Variants in SLC36A1 observed in about 807,000 individuals in gnomAD.
SLC36A1 encodes solute carrier family 36 member 1.
A neutral mutation model predicts 47.5 loss-of-function variants in SLC36A1; 30 were observed. The ratio of observed to expected loss-of-function variants is 0.63; its 90% CI spans 0.47 to 0.86. The LOEUF is 0.86. SLC36A1 is among the 40% of genes least tolerant of loss of function. The pLI, the probability that SLC36A1 is intolerant of heterozygous loss-of-function variation, is 0.00. For synonymous variants in SLC36A1, 255 were observed against 249.7 expected (o/e 1.02, Z -0.20); for missense variants, 517 against 606.0 (o/e 0.85, Z 1.54).
chr5:151,356,961 C>T, the SLC36A1 span, among the ~76,000 whole-genome samples: 2 of 152,188 alleles, frequency 1.3e-5, no homozygotes, highest in African/African-American at 4.8e-5. Context: ...TTCACACAAG[C>T]AGGGTGCTCC....
intron 1 of SLC36A1, among the ~76,000 whole-genome samples, chr5:151,450,399 C>T (rs1753465272): frequency 6.6e-6 from 1 of 151,642 alleles, no homozygotes; most frequent in Non-Finnish European, 1.5e-5. Context: ...GGCAGGTGTC[C>T]ACTTACTAGC....
chr5:151,519,241 G>A, the SLC36A1 span, among the ~76,000 whole-genome samples: 2 of 152,196 alleles, frequency 1.3e-5, no homozygotes, highest in Non-Finnish European at 2.9e-5. Context: ...CTACTCACGA[G>A]GCTGAGGCAG....
At chr5:151,443,440 A>G (rs993851955), upstream of SLC36A1, among the ~76,000 whole-genome samples, 3 of 152,140 alleles carry the variant, frequency 2.0e-5, no homozygotes, top group East Asian at 1.9e-4. Flanking sequence ...ACACTTTTTC[A>G]TATGCTCACT....
chr5:151,508,539 G>A, the SLC36A1 span, among the ~76,000 whole-genome samples: 5 of 152,088 alleles, frequency 3.3e-5, no homozygotes, highest in Admixed American at 1.3e-4. Context: ...GTGAAACCCC[G>A]TATCTACTAA....
At chr5:151,455,400 C>T (rs933466945) in intron 1 of SLC36A1, among the ~76,000 whole-genome samples, 4 of 152,174 alleles carry the variant, frequency 2.6e-5, no homozygotes, top group Admixed American at 1.3e-4. Context: ...CCATATCCCG[C>T]AGGCTTATTG....
chr5:151,508,958 C>T, the SLC36A1 span, among the ~76,000 whole-genome samples: 1 of 152,132 alleles, frequency 6.6e-6, no homozygotes, highest in African/African-American at 2.4e-5. Context: ...TTTCATGTCT[C>T]TTTCATGATT....
the SLC36A1 span, among the ~76,000 whole-genome samples, chr5:151,500,029 G>T: frequency 6.6e-6 from 1 of 152,162 alleles, no homozygotes. Context: ...TGAGTCCTAA[G>T]TTGAGCAGAC....
Position 151,467,304 on chromosome 5 carries a change from GAA to G in SLC36A1, c.504+36_504+37del, listed in dbSNP as rs373057431. ...AACAGGTAGGCACCTGGTTAAAAAA[GAA>G]AAAAAAAAAAAAAACCAGAGCGAGA... On this transcript the variant is annotated intron_variant, in intron 6 of 10. Transcript: ENST00000243389. The G allele has an allele frequency of 2.2e-3, 1,766 of 806,978 alleles. 9 individuals are homozygous for G. Among genetic ancestry groups the G allele is most frequent in the African/African-American group, 0.02 (911 of 46,172 alleles). 50.0% of individuals were successfully genotyped at this position (806,978 alleles called of 1,614,324 possible). A position where few individuals can be genotyped will look rare whatever the true frequency, so the allele number is the denominator to read the frequency against.
the SLC36A1 span, chr5:151,534,503 C>T: frequency 8.7e-6 from 14 of 1,614,084 alleles, no homozygotes; most frequent in South Asian, 2.2e-5. Context: ...GGAAGAACCG[C>T]GGGGCATTGT....
the SLC36A1 span, among the ~76,000 whole-genome samples, chr5:151,394,025 C>T: frequency 6.6e-6 from 1 of 152,240 alleles, no homozygotes; most frequent in African/African-American, 2.4e-5. Context: ...TTCTCCCCAT[C>T]ACTTTCAGGT....
the SLC36A1 span, among the ~76,000 whole-genome samples, chr5:151,515,714 C>T: frequency 1.6e-4 from 25 of 152,314 alleles, no homozygotes; most frequent in African/African-American, 6.0e-4. Flanking sequence ...CTTTCCAATT[C>T]CTCTGTCATC....
At chr5:151,520,135 C>T in the SLC36A1 span, among the ~76,000 whole-genome samples, 2 of 152,206 alleles carry the variant, frequency 1.3e-5, no homozygotes, top group African/African-American at 2.4e-5. Flanking sequence ...ACAAAGTCCA[C>T]AAATCTTCTG....
chr5:151,525,960 G>A, the SLC36A1 span: 4 of 1,614,038 alleles, frequency 2.5e-6, no homozygotes, highest in South Asian at 4.4e-5. Flanking sequence ...CAATGGGGGA[G>A]TTCTCCTGAG....
the SLC36A1 span, among the ~76,000 whole-genome samples, chr5:151,400,795 G>A: frequency 2.6e-5 from 4 of 152,138 alleles, no homozygotes; most frequent in East Asian, 5.8e-4. Context: ...ATTTTTTCAT[G>A]TTTGGTGGCC....
At chr5:151,486,631 AG>A (rs773637173) in intron 10 of SLC36A1, among the ~76,000 whole-genome samples, 9 of 152,190 alleles carry the variant, frequency 5.9e-5, no homozygotes, top group Non-Finnish European at 1.3e-4. Context: ...CCTTCCTTAG[AG>A]TGACTTGACT....
the SLC36A1 span, among the ~76,000 whole-genome samples, chr5:151,508,263 T>A: frequency 1.3e-5 from 2 of 152,206 alleles, no homozygotes; most frequent in Non-Finnish European, 2.9e-5. Flanking sequence ...CTACCAGTTG[T>A]TTGTTATTTT....
the SLC36A1 span, chr5:151,551,496 T>A: frequency 6.2e-7 from 1 of 1,614,172 alleles, no homozygotes; most frequent in Non-Finnish European, 8.5e-7. Flanking sequence ...GACCCATCTG[T>A]CACCTCAACA....
chr5:151,465,760 T>C (rs1212428594), intron 5 of SLC36A1, among the ~76,000 whole-genome samples: 2 of 151,966 alleles, frequency 1.3e-5, no homozygotes, highest in African/African-American at 2.4e-5. Flanking sequence ...ACATGAGAGA[T>C]AGGAGCAAAG....
At chr5:151,463,701 T>G in intron 3 of SLC36A1, 58 bp downstream of exon 3, 1 of 1,336,078 alleles carries the variant, frequency 7.5e-7, no homozygotes, top group Non-Finnish European at 1.1e-6. Flanking sequence ...TAGCTTTTTG[T>G]TGTTGTTAAA....
Sources: allele counts gnomAD v4.1 joint callset (sites outside exome capture counted in the v4.1 genomes callset), GRCh38; gene constraint gnomAD v4.1.1; transcripts MANE v1.5; gene names NCBI Gene and HGNC (gene_info 2026-07-23, HGNC 2026-07-21).